CDYL: variants seen among roughly 807,000 people sequenced by gnomAD.
The protein encoded by CDYL is chromodomain Y like.
A neutral mutation model predicts 47.3 loss-of-function variants in CDYL; 8 were observed. That is an observed-to-expected ratio of 0.17 (90% confidence interval 0.10 to 0.31). The LOEUF (loss-of-function observed/expected upper bound fraction) is 0.31, where lower values mean the gene tolerates loss of function less well. CDYL is among the 10% of genes least tolerant of loss of function. The pLI is 1.00. For missense variants in CDYL, 471 were observed against 701.4 expected (o/e 0.67, Z 3.71); for synonymous variants, 266 against 265.0 (o/e 1.00, Z -0.04).
At chr6:4,768,873 T>G (rs1758295298) in intron 3 of CDYL, among the ~76,000 whole-genome samples, 1 of 152,184 alleles carries the variant, frequency 6.6e-6, no homozygotes, top group Non-Finnish European at 1.5e-5. Flanking sequence ...CTTGATACAA[T>G]GTGATGAGAA....
chr6:4,756,598 G>GTGTGTGTGTGTA (rs1174828583), intron 3 of CDYL, among the ~76,000 whole-genome samples: 14 of 152,060 alleles, frequency 9.2e-5, no homozygotes, highest in African/African-American at 3.4e-4. Flanking sequence ...GTGTGTGTGT[G>GTGTGTGTGTGTA]TGTGTGTGTG....
chr6:4,854,633 A>AG (rs1760952299), intron 1 of CDYL, among the ~76,000 whole-genome samples: 2 of 152,362 alleles, frequency 1.3e-5, no homozygotes, highest in South Asian at 4.1e-4. Flanking sequence ...ACACTACAAG[A>AG]GGAGAAACAA....
intron 1 of CDYL, among the ~76,000 whole-genome samples, chr6:4,838,693 C>CTT (rs554942704): frequency 1.4e-5 from 2 of 144,844 alleles, no homozygotes; most frequent in African/African-American, 5.0e-5. Context: ...GTTTTAGTTC[C>CTT]TTTTTTTTTT....
intron 1 of CDYL, among the ~76,000 whole-genome samples, chr6:4,778,627 A>G (rs1223060878): frequency 6.6e-6 from 1 of 152,220 alleles, no homozygotes; most frequent in Non-Finnish European, 1.5e-5. Context: ...TTGCAAATAA[A>G]TGATACACCT....
chr6:4,898,422 T>C (rs1762349324), intron 2 of CDYL, among the ~76,000 whole-genome samples: 2 of 152,232 alleles, frequency 1.3e-5, no homozygotes, highest in South Asian at 4.1e-4. Context: ...ATGATTGACA[T>C]GTCCTGTATA....
intron 1 of CDYL, among the ~76,000 whole-genome samples, chr6:4,873,834 G>A (rs961975310): frequency 6.6e-5 from 10 of 152,150 alleles, no homozygotes; most frequent in Admixed American, 1.3e-4. Flanking sequence ...TAGGAACATC[G>A]CACAGGGGAC....
intron 3 of CDYL, among the ~76,000 whole-genome samples, chr6:4,763,012 C>T (rs9504239): frequency 0.012 from 1,750 of 152,016 alleles, 28 homozygotes; most frequent in African/African-American, 0.04. Flanking sequence ...AAACCCAAGA[C>T]AAAGAGAAAA....
At chr6:4,916,642 C>G (rs777452961) in intron 2 of CDYL, among the ~76,000 whole-genome samples, 1 of 152,166 alleles carries the variant, frequency 6.6e-6, no homozygotes, top group Non-Finnish European at 1.5e-5. Context: ...CCTGGCCTGC[C>G]TCCCCCTCTT....
chr6:4,916,974 C>T (rs1470158623), intron 2 of CDYL, among the ~76,000 whole-genome samples: 1 of 152,086 alleles, frequency 6.6e-6, no homozygotes, highest in South Asian at 2.1e-4. Flanking sequence ...AGCTTTGATC[C>T]GTTTTGTTTT....
chr6:4,733,009 C>T (rs904078039), intron 2 of CDYL: 1 of 152,326 alleles, frequency 6.6e-6, no homozygotes, highest in Admixed American at 6.5e-5. Context: ...GCTTCAGCCA[C>T]CTAAGGCAGT....
At chr6:4,762,303 G>A (rs566056566) in intron 3 of CDYL, among the ~76,000 whole-genome samples, 43 of 152,270 alleles carry the variant, frequency 2.8e-4, no homozygotes, top group African/African-American at 1.0e-3. Flanking sequence ...CACTTAGGCA[G>A]CTGGCAGGAA....
At chr6:4,788,933 C>T (rs902442836) in intron 1 of CDYL, among the ~76,000 whole-genome samples, 1 of 152,042 alleles carries the variant, frequency 6.6e-6, no homozygotes, top group Non-Finnish European at 1.5e-5. Flanking sequence ...GGCCCTGTCC[C>T]TCAAGGTGAA....
At chr6:4,721,092 A>G (rs188705409) in intron 2 of CDYL, among the ~76,000 whole-genome samples, 1 of 152,324 alleles carries the variant, frequency 6.6e-6, no homozygotes, top group African/African-American at 2.4e-5. Flanking sequence ...AGACTATTAA[A>G]GTATGCTTTT....
chr6:4,724,406 CTTACCTTGATGGGTTTA>C (rs1757448028), intron 2 of CDYL: 1 of 152,200 alleles, frequency 6.6e-6, no homozygotes, highest in African/African-American at 2.4e-5. Flanking sequence ...CATGTCAGGG[CTTACCTTGATGGGTTTA>C]TGCTGCAGTA....
At chr6:4,841,861 A>G (rs1049781931) in intron 1 of CDYL, among the ~76,000 whole-genome samples, 5 of 151,368 alleles carry the variant, frequency 3.3e-5, no homozygotes, top group African/African-American at 9.7e-5. Flanking sequence ...AATAGAATGT[A>G]TATTCTGCAG....
intron 2 of CDYL, among the ~76,000 whole-genome samples, chr6:4,935,117 A>G (rs1257706378): frequency 6.6e-6 from 1 of 152,192 alleles, no homozygotes; most frequent in Non-Finnish European, 1.5e-5. Flanking sequence ...TTTCGACTAG[A>G]TGGCCTTGAC....
intron 4 of CDYL, among the ~76,000 whole-genome samples, chr6:4,943,096 C>T (rs947506911): frequency 5.9e-5 from 9 of 152,212 alleles, no homozygotes; most frequent in Non-Finnish European, 1.0e-4. Flanking sequence ...AATCCACCAC[C>T]GTACACTTAA....
chr6:4,851,341 A>G (rs1005315695), intron 1 of CDYL, among the ~76,000 whole-genome samples: 9 of 152,218 alleles, frequency 5.9e-5, no homozygotes, highest in Non-Finnish European at 1.0e-4. Context: ...TATTATTATT[A>G]TCTATCATAC....
At chr6:4,772,472 T>C (rs979416891), upstream of CDYL, among the ~76,000 whole-genome samples, 2 of 152,234 alleles carry the variant, frequency 1.3e-5, no homozygotes, top group African/African-American at 4.8e-5. Flanking sequence ...TCTAAGCTTT[T>C]AGGGAAGGAA....
Sources: allele counts gnomAD v4.1 joint callset (sites outside exome capture counted in the v4.1 genomes callset), GRCh38; gene constraint gnomAD v4.1.1; transcripts MANE v1.5; gene names NCBI Gene and HGNC (gene_info 2026-07-23, HGNC 2026-07-21).